Variants in STK39 observed in about 807,000 individuals in gnomAD.
STK39 encodes serine/threonine kinase 39, also known as STE20/SPS1-related proline-alanine-rich protein kinase.
In STK39, 20 loss-of-function variants were observed where a neutral mutation model predicts 77.8. That is an observed-to-expected ratio of 0.26 (90% CI 0.18 to 0.37). The LOEUF is 0.37. STK39 is among the 10% of genes least tolerant of loss of function. The pLI is 1.00. For missense variants in STK39, 479 were observed against 656.5 expected, an observed-to-expected ratio of 0.73 and a Z score of 2.95; for synonymous variants, 246 against 234.1, an observed-to-expected ratio of 1.05 and a Z score of -0.47.
In STK39 at chr2:168,247,263, A is replaced by T; in HGVS notation, c.173T>A (p.Ile58Asn). The T allele has an allele frequency of 9.0e-7, 1 of 1,112,586 alleles. No homozygotes were observed. Among genetic ancestry groups the T allele is most frequent in the Non-Finnish European group, 1.1e-6 (1 of 914,112 alleles). 68.9% of individuals were successfully genotyped at this position (1,112,586 alleles called of 1,614,324 possible). A position where few individuals can be genotyped will look rare whatever the true frequency, so the allele number is the denominator to read the frequency against. ...APAAQAVGWP[I>N]CRDAYELQEV... ...CTGCAGCTCGTACGCGTCCCTGCAG[A>T]TGGGCCAGCCGACAGCCTGTGCCGC... is the stretch of plus-strand genomic sequence containing the variant. Residue 58 changes from isoleucine to asparagine, a missense_variant, in exon 1 of 18, where the codon ATC becomes AAC. Coordinates refer to ENST00000355999, the MANE Select transcript of STK39 (RefSeq NM_013233.3).
At chr2:167,955,597 T>C (rs1691742317) in intron 17 of STK39, 27 bp from the exon 18 acceptor site, 1 of 1,605,688 alleles carries the variant, frequency 6.2e-7, no homozygotes. Flanking sequence ...AAAGCCTCAA[T>C]GCTGGTTTGC....
At chr2:168,133,790 G>A (rs370036461) in intron 8 of STK39, among the ~76,000 whole-genome samples, 3 of 151,836 alleles carry the variant, frequency 2.0e-5, no homozygotes, top group Non-Finnish European at 2.9e-5. Context: ...CCCAGGAGGC[G>A]GAGGTTGCAG....
chr2:168,042,884 C>G (rs1440347510), intron 14 of STK39, among the ~76,000 whole-genome samples: 1 of 152,112 alleles, frequency 6.6e-6, no homozygotes, highest in Non-Finnish European at 1.5e-5. Flanking sequence ...AGCCACCTTC[C>G]TTCTAATTTT....
intron 16 of STK39, among the ~76,000 whole-genome samples, chr2:167,990,515 A>T (rs1683674141): frequency 6.6e-6 from 1 of 152,206 alleles, no homozygotes; most frequent in Admixed American, 6.5e-5. Context: ...TGCCTGGGTA[A>T]TGTAGTAAAA....
intron 5 of STK39, among the ~76,000 whole-genome samples, chr2:168,150,670 C>A (rs1338317505): frequency 6.6e-6 from 1 of 151,550 alleles, no homozygotes; most frequent in Non-Finnish European, 1.5e-5. Context: ...AAGGTAATTG[C>A]GGTTTTAAAT....
intron 16 of STK39, among the ~76,000 whole-genome samples, chr2:167,978,897 C>A (rs942104585): frequency 1.1e-4 from 16 of 152,240 alleles, no homozygotes; most frequent in African/African-American, 3.6e-4. Context: ...TAGTTTCTCT[C>A]ACATATCATA....
intron 1 of STK39, among the ~76,000 whole-genome samples, chr2:168,226,950 A>G (rs958650655): frequency 4.6e-5 from 7 of 152,240 alleles, no homozygotes; most frequent in Non-Finnish European, 7.3e-5. Context: ...TAGAATAGCA[A>G]TGGATCCAGA....
rs537577117 is a variant in STK39, at chr2:168,247,286, CGCCGGGGCCGGG to C, written c.138_149del (p.Pro47_Ala50del). On this transcript the variant is annotated inframe_deletion, in exon 1 of 18. Coordinates refer to ENST00000355999, the MANE Select transcript of STK39 (RefSeq NM_013233.3). ...AGATGGGCCAGCCGACAGCCTGTGC[CGCCGGGGCCGGG>C]GCCGGGGCCGGGGCCGCGGGAGCTG... is the stretch of plus-strand genomic sequence containing the variant. The C allele has an allele frequency of 1.6e-4, 158 of 1,007,128 alleles. No homozygotes were observed. The highest frequency in any genetic ancestry group is 1.5e-3 in the Admixed American group (26 of 17,578). The allele number at this position is 1,007,128 out of a possible 1,614,324, so 62.4% of individuals were successfully genotyped here. A position where few individuals can be genotyped will look rare whatever the true frequency, so the allele number is the denominator to read the frequency against.
At chr2:168,154,676 T>G (rs1688379151) in intron 5 of STK39, among the ~76,000 whole-genome samples, 1 of 148,856 alleles carries the variant, frequency 6.7e-6, no homozygotes, top group African/African-American at 2.5e-5. Context: ...TTTTTTAAAT[T>G]TATATAGTTG....
intron 16 of STK39, among the ~76,000 whole-genome samples, chr2:168,003,004 G>A (rs1265650087): frequency 6.6e-6 from 1 of 152,100 alleles, no homozygotes; most frequent in African/African-American, 2.4e-5. Context: ...ATTTTTTTGA[G>A]ATGGAGTCTC....
intron 15 of STK39, among the ~76,000 whole-genome samples, chr2:168,013,131 T>C (rs997792600): frequency 7.2e-5 from 11 of 152,366 alleles, no homozygotes; most frequent in African/African-American, 2.6e-4. Context: ...TAGCATCTGA[T>C]ATAACCTTGT....
chr2:168,016,970 TA>T, intron 15 of STK39, 72 bp downstream of exon 15: 3 of 1,231,044 alleles, frequency 2.4e-6, no homozygotes, highest in South Asian at 1.4e-5. Flanking sequence ...TAGCAGATTA[TA>T]ACCACATGCT....
intron 10 of STK39, among the ~76,000 whole-genome samples, chr2:168,078,741 CAAAAA>C (rs56865790): frequency 2.3e-5 from 2 of 86,408 alleles, no homozygotes; most frequent in African/African-American, 4.0e-5. Context: ...TCCATCTGTC[CAAAAA>C]AAAAAAAAAA....
At chr2:168,027,479 C>T (rs896177281) in intron 14 of STK39, among the ~76,000 whole-genome samples, 1 of 152,190 alleles carries the variant, frequency 6.6e-6, no homozygotes, top group Non-Finnish European at 1.5e-5. Context: ...AGCCATGCAG[C>T]ATCACACAGC....
intron 10 of STK39, among the ~76,000 whole-genome samples, chr2:168,102,350 G>A (rs573010237): frequency 9.2e-5 from 14 of 152,190 alleles, no homozygotes; most frequent in South Asian, 4.2e-4. Flanking sequence ...CCATCCTAGC[G>A]GGTATGAGGT....
chr2:168,121,990 T>A (rs1687419438), intron 10 of STK39, among the ~76,000 whole-genome samples: 1 of 152,240 alleles, frequency 6.6e-6, no homozygotes. Flanking sequence ...CTCCACTTCC[T>A]GCCTAAATCT....
chr2:167,996,882 T>C (rs973881704), intron 16 of STK39, among the ~76,000 whole-genome samples: 1 of 151,846 alleles, frequency 6.6e-6, no homozygotes, highest in Non-Finnish European at 1.5e-5. Flanking sequence ...GGGATTTGCA[T>C]TTCTCTCTCG....
At chr2:168,222,547 G>T (rs1285828491) in intron 1 of STK39, among the ~76,000 whole-genome samples, 1 of 152,156 alleles carries the variant, frequency 6.6e-6, no homozygotes, top group Non-Finnish European at 1.5e-5. Flanking sequence ...TTCCATTCAT[G>T]ATTTCCCTGT....
At chr2:167,955,624 TAA>T (rs1318903798) in intron 17 of STK39, 54 bp from the exon 18 acceptor site, 1 of 1,564,464 alleles carries the variant, frequency 6.4e-7, no homozygotes, top group East Asian at 2.3e-5. Flanking sequence ...TGCTGGTTGT[TAA>T]AGTCTTGTTC....
Sources: allele counts gnomAD v4.1 joint callset (sites outside exome capture counted in the v4.1 genomes callset), GRCh38; gene constraint gnomAD v4.1.1; transcripts MANE v1.5; gene names NCBI Gene and HGNC (gene_info 2026-07-23, HGNC 2026-07-21).